Variants in SLC25A48 observed in about 807,000 individuals in gnomAD.
The protein encoded by SLC25A48 is solute carrier family 25 member 48.
A neutral mutation model predicts 32.2 loss-of-function variants in SLC25A48; 29 were observed. The observed-to-expected ratio is 0.90, with a 90% CI of 0.67 to 1.23. The LOEUF is 1.23. SLC25A48 is among the 50% of genes most tolerant of loss of function. The pLI is 0.00. For missense variants in SLC25A48, 399 were observed against 422.7 expected, an observed-to-expected ratio of 0.94 and a Z score of 0.49; for synonymous variants, 164 against 172.3, an observed-to-expected ratio of 0.95 and a Z score of 0.38.
intron 3 of SLC25A48, among the ~76,000 whole-genome samples, chr5:135,767,533 G>T (rs149324085): frequency 6.6e-6 from 1 of 151,722 alleles, no homozygotes; most frequent in African/African-American, 2.4e-5. Flanking sequence ...TTTCAATATC[G>T]TAAACACTCT....
chr5:135,755,274 G>GTTTACACC (rs1361816520), intron 3 of SLC25A48, among the ~76,000 whole-genome samples: 3 of 152,048 alleles, frequency 2.0e-5, no homozygotes, highest in African/African-American at 7.2e-5. Context: ...CACACACAGT[G>GTTTACACC]TTTACACCTT....
chr5:135,783,105 C>T lies in SLC25A48; in HGVS notation c.-520-29418C>T, dbSNP rs1412717681. Among the ~76,000 whole-genome samples the T allele has an allele frequency of 5.1e-5, 6 of 118,042 alleles. 3 individuals are homozygous for T. Among genetic ancestry groups the T allele is most frequent in the Non-Finnish European group, 1.3e-4 (6 of 47,466 alleles). The allele number at this position is 118,042 out of a possible 152,430, so 77.4% of individuals were successfully genotyped here. On this transcript the variant is annotated intron_variant, in intron 3 of 10. Coordinates refer to the SLC25A48 transcript ENST00000646290. The stretch of plus-strand genomic sequence containing the variant: ...AATACCACAGCACAGTTACAACCCC[C>T]ATATAATATTGTTTCTCAATCCAGG...
intron 1 of SLC25A48, among the ~76,000 whole-genome samples, chr5:135,619,358 C>CT (rs1561760507): frequency 6.6e-6 from 1 of 151,628 alleles, no homozygotes; most frequent in African/African-American, 2.4e-5. Context: ...CTATTTGGTT[C>CT]TTTTTTTGTG....
intron 3 of SLC25A48, among the ~76,000 whole-genome samples, chr5:135,666,771 C>T (rs553969837): frequency 4.6e-5 from 7 of 152,142 alleles, no homozygotes; most frequent in African/African-American, 1.7e-4. Context: ...ATAGTTGCTG[C>T]TTATTTAGAA....
At chr5:135,625,557 C>T (rs1752423585) in intron 1 of SLC25A48, among the ~76,000 whole-genome samples, 1 of 152,124 alleles carries the variant, frequency 6.6e-6, no homozygotes, top group African/African-American at 2.4e-5. Context: ...ACTGCCAGAG[C>T]CCAACATGGA....
chr5:135,812,683 G>A (rs1465291), exon 4 of SLC25A48: 33,803 of 152,166 alleles, frequency 0.22, 4,616 homozygotes, highest in East Asian at 0.44. Flanking sequence ...ACCCCTTTGC[G>A]GGGTCCAAGG....
intron 6 of SLC25A48, among the ~76,000 whole-genome samples, chr5:135,879,597 A>AGT (rs1281020226): frequency 9.9e-4 from 135 of 136,440 alleles, no homozygotes; most frequent in Non-Finnish European, 1.5e-3. Flanking sequence ...AGAGAGAGAG[A>AGT]GAGAGAGAGA....
intron 3 of SLC25A48, among the ~76,000 whole-genome samples, chr5:135,771,149 A>G (rs1210532825): frequency 6.6e-6 from 1 of 151,198 alleles, no homozygotes; most frequent in African/African-American, 2.4e-5. Context: ...GGGGAAGAAA[A>G]TGATATTAAT....
intron 3 of SLC25A48, among the ~76,000 whole-genome samples, chr5:135,737,379 G>A (rs1349601320): frequency 6.6e-6 from 1 of 152,142 alleles, no homozygotes; most frequent in African/African-American, 2.4e-5. Context: ...GGCAGGAACA[G>A]GCCATTTTCA....
chr5:135,704,920 G>C (rs1754472376), intron 3 of SLC25A48, among the ~76,000 whole-genome samples: 1 of 152,194 alleles, frequency 6.6e-6, no homozygotes, highest in Non-Finnish European at 1.5e-5. Context: ...AAATCCAGCA[G>C]TGTCTCTGAC....
At chr5:135,885,795 A>G (rs571947811) in intron 7 of SLC25A48, among the ~76,000 whole-genome samples, 3 of 152,366 alleles carry the variant, frequency 2.0e-5, no homozygotes, top group Non-Finnish European at 1.5e-5. Context: ...CTAAATGCCT[A>G]TCAATAGAAG....
intron 3 of SLC25A48, among the ~76,000 whole-genome samples, chr5:135,646,951 T>C (rs1021100258): frequency 6.6e-6 from 1 of 151,862 alleles, no homozygotes; most frequent in African/African-American, 2.4e-5. Context: ...TTATATGATA[T>C]ACAATATATT....
chr5:135,792,478 A>T (rs2126634263), intron 3 of SLC25A48, among the ~76,000 whole-genome samples: 1 of 151,820 alleles, frequency 6.6e-6, no homozygotes, highest in East Asian at 1.9e-4. Context: ...GTAATATCTT[A>T]GGGGGTTGTT....
At chr5:135,842,525 A>C in intron 2 of SLC25A48, 66 bp downstream of exon 2, 1 of 1,463,304 alleles carries the variant, frequency 6.8e-7, no homozygotes, top group Non-Finnish European at 9.6e-7. Flanking sequence ...CTCTGGGACT[A>C]TTCCTGCTGT....
At chr5:135,844,608 G>A (rs530701984) in intron 2 of SLC25A48, among the ~76,000 whole-genome samples, 439 of 152,338 alleles carry the variant, frequency 2.9e-3, no homozygotes, top group Non-Finnish European at 4.5e-3. Context: ...GTCAGTGTAA[G>A]ATTATAAGCA....
intron 3 of SLC25A48, among the ~76,000 whole-genome samples, chr5:135,699,330 A>G (rs762284763): frequency 6.6e-6 from 1 of 152,086 alleles, no homozygotes; most frequent in Non-Finnish European, 1.5e-5. Flanking sequence ...ATGTGATATT[A>G]TGCATCAAGG....
chr5:135,625,311 A>C (rs1157191254), intron 1 of SLC25A48, among the ~76,000 whole-genome samples: 1 of 152,128 alleles, frequency 6.6e-6, no homozygotes, highest in Non-Finnish European at 1.5e-5. Context: ...TGTGCTGTGA[A>C]GATGGAGGGG....
chr5:135,738,088 T>C (rs780573999), intron 3 of SLC25A48, among the ~76,000 whole-genome samples: 1 of 152,210 alleles, frequency 6.6e-6, no homozygotes, highest in Non-Finnish European at 1.5e-5. Context: ...CTCTCAGGTT[T>C]CTAGCTACTC....
chr5:135,816,084 G>T (rs549946803), intron 4 of SLC25A48, among the ~76,000 whole-genome samples: 6 of 152,316 alleles, frequency 3.9e-5, no homozygotes, highest in Admixed American at 3.3e-4. Flanking sequence ...TGGCAGGAGA[G>T]AGAGAGCGTG....
Sources: allele counts gnomAD v4.1 joint callset (sites outside exome capture counted in the v4.1 genomes callset), GRCh38; gene constraint gnomAD v4.1.1; transcripts MANE v1.5; gene names NCBI Gene and HGNC (gene_info 2026-07-23, HGNC 2026-07-21).